The following DDX43 variants were observed in gnomAD, a reference collection of about 807,000 sequenced individuals.
DDX43 encodes probable ATP-dependent RNA helicase DDX43.
In DDX43, 50 loss-of-function variants were observed where a neutral mutation model predicts 84.9. The ratio of observed to expected loss-of-function variants is 0.59; its 90% CI spans 0.47 to 0.75. The LOEUF (loss-of-function observed/expected upper bound fraction) is 0.75. Ranked by LOEUF, DDX43 falls within the 30% of genes least tolerant of loss-of-function variation. The pLI, the probability that DDX43 is intolerant of heterozygous loss-of-function variation, is 0.00. For missense variants in DDX43, 689 were observed against 798.6 expected, an observed-to-expected ratio of 0.86 and a Z score of 1.65; for synonymous variants, 291 against 266.3, an observed-to-expected ratio of 1.09 and a Z score of -0.90.
intron 2 of DDX43, among the ~76,000 whole-genome samples, chr6:73,398,306 C>T (rs1211190209): frequency 6.6e-6 from 1 of 151,958 alleles, no homozygotes; most frequent in East Asian, 1.9e-4. Context: ...GGCTGGAGTG[C>T]AGTGGCACGA....
chr6:73,402,225 G>A (rs1769589230), intron 4 of DDX43, among the ~76,000 whole-genome samples: 1 of 151,972 alleles, frequency 6.6e-6, no homozygotes, highest in African/African-American at 2.4e-5. Flanking sequence ...CACTGCAAAG[G>A]GCTAATAAAA....
In DDX43 at chr6:73,406,404, T is replaced by C. The variant is rs368425075; in HGVS notation, c.848T>C (p.Ile283Thr). 1.1e-4 allele frequency: 174 copies of C among 1,613,394 alleles called. No homozygotes were observed. Among genetic ancestry groups the C allele is most frequent in the Non-Finnish European group, 1.4e-4 (166 of 1,179,530 alleles). Reference sequence around the variant, plus strand: ...ATTGTGTTGCAAGGAATAGATCTTATAGGAGTAGCCCAGACTGGAACAGGA... The same window carrying C: ...ATTGTGTTGCAAGGAATAGATCTTACAGGAGTAGCCCAGACTGGAACAGGA... ...WPIVLQGIDL[I>T]GVAQTGTGKT... is the part of the protein sequence containing the mutation. Residue 283 changes from isoleucine (I) to threonine (T), a missense_variant, in exon 7 of 17, where the codon ATA becomes ACA. Ile to Thr is a moderately conservative substitution (Grantham distance 89, BLOSUM62 -1). Coordinates refer to ENST00000370336, the MANE Select transcript of DDX43 (RefSeq NM_018665.3).
In DDX43 at chr6:73,415,485, C is replaced by T; in HGVS notation, c.1746-12C>T. On this transcript the variant is annotated splice_polypyrimidine_tract_variant and intron_variant, in intron 14 of 16. Transcript: ENST00000370336. The stretch of plus-strand genomic sequence containing the variant: ...ATAATGAATACATGAGTTTTTTTCC[C>T]CCACACTAAAGGAGGACTGGTGTTT... 1 of 1,595,990 alleles carries T rather than the reference C, an allele frequency of 6.3e-7. No individual in the cohort carries two copies. The highest frequency in any genetic ancestry group is 8.6e-7 in the Non-Finnish European group (1 of 1,168,166).
At chr6:73,395,278 C>G (rs1769443245) in intron 1 of DDX43, 123 bp downstream of exon 1, 2 of 1,228,232 alleles carry the variant, frequency 1.6e-6, no homozygotes, top group South Asian at 3.1e-5. Flanking sequence ...TCAGGTCTCT[C>G]CCAGAGCTAT....
In DDX43 at chr6:73,394,892, C is replaced by A. The variant is rs777431855; in HGVS notation, c.-14C>A. On this transcript the variant is annotated 5_prime_UTR_variant, in exon 1 of 17. Transcript: ENST00000370336. ...TGGACGGCAACGACGTCGGACGCGC[C>A]CCTTCTTGGAACAATGTCCCACCAC... 3.8e-5 allele frequency: 61 copies of A among 1,613,312 alleles called. No individual in the cohort carries two copies. Among genetic ancestry groups the A allele is most frequent in the Non-Finnish European group, 4.9e-5 (58 of 1,179,526 alleles).
rs757156103 is a variant in DDX43 at position 73,400,309 on chromosome 6, A to G, written c.382A>G (p.Ile128Val). 6.2e-7 allele frequency: 1 copy of G among 1,608,170 alleles called. No homozygotes were observed. The highest frequency in any genetic ancestry group is 8.5e-7 in the Non-Finnish European group (1 of 1,178,192). ...AATGCAAACGAAAGCAAAAGCAGTG[A>G]TAGACAATTTTGTTAAAAAGCTAGA... ...KAMQTKAKAV[I>V]DNFVKKLEEN... Residue 128 changes from isoleucine to valine, a missense_variant, in exon 3 of 17, where the codon ATA becomes GTA. Around this residue, in one of 2 missense-constraint regions of DDX43, gnomAD observed 552 missense variants for 692.7 expected, o/e 0.80. Transcript: ENST00000370336.
intron 2 of DDX43, 33 bp from the exon 3 acceptor site, chr6:73,400,201 T>C (rs752478523): frequency 6.5e-7 from 1 of 1,546,332 alleles, no homozygotes; most frequent in South Asian, 1.2e-5. Flanking sequence ...TAGGGAAATT[T>C]TAAGTCTCAC....
intron 8 of DDX43, 95 bp downstream of exon 8, chr6:73,407,710 A>G: frequency 3.1e-6 from 3 of 966,582 alleles, no homozygotes; most frequent in Non-Finnish European, 3.2e-6. Context: ...ACATTCAGAG[A>G]ATCCAAATGG....
At chr6:73,404,644 G>A in intron 4 of DDX43, 46 bp from the exon 5 acceptor site, 2 of 1,322,420 alleles carry the variant, frequency 1.5e-6, no homozygotes, top group African/African-American at 1.5e-5. Context: ...AAGTATTCAT[G>A]ATGCTGTAAA....
chr6:73,397,597 A>G lies in DDX43; in HGVS notation c.251-92A>G, dbSNP rs190267320. 2.2e-4 allele frequency: 215 copies of G among 979,094 alleles called. No individual in the cohort carries two copies. In the African/African-American group the frequency reaches 3.3e-3, roughly 15 times the overall value. 60.7% of individuals were successfully genotyped at this position (979,094 alleles called of 1,614,324 possible). A position where few individuals can be genotyped will look rare whatever the true frequency, so the allele number is the denominator to read the frequency against. ...TGAACCCTAGGAGCATTTGGGGGGA[A>G]GAACTAGAGAATGTTTGTTGAGGAA... is the stretch of plus-strand genomic sequence containing the variant. On this transcript the variant is annotated intron_variant, in intron 1 of 16. Transcript: ENST00000370336.
Position 73,401,842 on chromosome 6 carries a change from A to T in DDX43, c.437-17A>T, listed in dbSNP as rs759537029. 2.5e-6 allele frequency: 4 copies of T among 1,592,178 alleles called. No homozygotes were observed. The highest frequency in any genetic ancestry group is 3.4e-6 in the Non-Finnish European group (4 of 1,173,168). On this transcript the variant is annotated splice_polypyrimidine_tract_variant and intron_variant, in intron 3 of 16. Transcript: ENST00000370336. ...AAAAAATAGAAAAAAACTAATCGAT[A>T]CAAATGTTTTTAACAGATACTGCAT...
intron 11 of DDX43, among the ~76,000 whole-genome samples, chr6:73,412,868 T>G (rs1410322068): frequency 1.3e-5 from 2 of 151,846 alleles, no homozygotes; most frequent in East Asian, 1.9e-4. Context: ...GTAGCTGGGG[T>G]TACAAACATG....
intron 10 of DDX43, among the ~76,000 whole-genome samples, chr6:73,409,841 G>A (rs1769752495): frequency 6.6e-6 from 1 of 152,106 alleles, no homozygotes; most frequent in South Asian, 2.1e-4. Flanking sequence ...GGCCAGCCTG[G>A]CCAACATGGT....
chr6:73,412,638 AGTGTGTGTG>A (rs1769810950), intron 11 of DDX43, among the ~76,000 whole-genome samples: 2 of 59,634 alleles, frequency 3.4e-5, no homozygotes, highest in African/African-American at 1.1e-4. Flanking sequence ...ATATATATAT[AGTGTGTGTG>A]TGTGTGTGTG....
At chr6:73,413,439 G>A in intron 11 of DDX43, 1 of 337,496 alleles carries the variant, frequency 3.0e-6, no homozygotes. Flanking sequence ...ACAAATAGTT[G>A]GTTGAAGGAA....
intron 2 of DDX43, among the ~76,000 whole-genome samples, chr6:73,398,805 TATTCTC>T (rs2150788712): frequency 6.6e-6 from 1 of 152,330 alleles, no homozygotes; most frequent in African/African-American, 2.4e-5. Context: ...GGTATTTCCT[TATTCTC>T]ATTCACCGCT....
chr6:73,402,526 A>T (rs1257688368), intron 4 of DDX43, among the ~76,000 whole-genome samples: 1 of 152,060 alleles, frequency 6.6e-6, no homozygotes, highest in African/African-American at 2.4e-5. Context: ...TCTCCTCTTA[A>T]CCTCCCAAAC....
At chr6:73,404,239 C>T (rs1769632036) in intron 4 of DDX43, among the ~76,000 whole-genome samples, 1 of 152,128 alleles carries the variant, frequency 6.6e-6, no homozygotes, top group Non-Finnish European at 1.5e-5. Flanking sequence ...GCATGCGCCA[C>T]TGTGCCGGGA....
Position 73,405,722 on chromosome 6 carries a change from G to A in DDX43, c.694G>A (p.Glu232Lys). ...NITWDDLKDGEKRPIPNPTCT... is the reference protein window; with the variant it reads ...NITWDDLKDGKKRPIPNPTCT... ...AACGTGGGATGACTTGAAGGATGGG[G>A]AGAAACGACCTATCCCCAATCCTAC... Residue 232 changes from glutamate to lysine, a missense_variant, in exon 6 of 17, where the codon GAG (glutamate) becomes AAG (lysine). Transcript: ENST00000370336. 6.2e-7 allele frequency: 1 copy of A among 1,614,066 alleles called. No individual in the cohort carries two copies. The highest frequency in any genetic ancestry group is 8.5e-7 in the Non-Finnish European group (1 of 1,179,970).
Sources: gnomAD v4.1 joint callset for allele counts (sites outside exome capture counted in the v4.1 genomes callset) on GRCh38, gnomAD v4.1.1 for gene constraint, gnomAD v4.1.1 regional missense constraint, MANE v1.5 for transcripts, NCBI Gene and HGNC (gene_info 2026-07-23, HGNC 2026-07-21) for gene names.